GLDC: variants seen among roughly 807,000 people sequenced by gnomAD.
GLDC encodes the protein glycine dehydrogenase (decarboxylating), mitochondrial.
A neutral mutation model predicts 121.3 loss-of-function variants in GLDC; 104 were observed. That is an observed-to-expected ratio of 0.86 (90% CI 0.73 to 1.01). The LOEUF is 1.01. Ranked by LOEUF, GLDC falls within the 50% of genes least tolerant of loss-of-function variation. The pLI is 0.00. For synonymous variants in GLDC, 546 were observed against 480.6 expected (o/e 1.14, Z -1.78); for missense variants, 1,429 against 1,306.6 (o/e 1.09, Z -1.44).
intron 18 of GLDC, 147 bp from the exon 19 acceptor site, chr9:6,554,928 A>G (rs1817589250): frequency 1.4e-6 from 1 of 709,334 alleles, no homozygotes; most frequent in Admixed American, 2.0e-5. Flanking sequence ...AATGTCCTCT[A>G]TACTGGCCCA....
rs566939288 is a variant in GLDC, at chr9:6,605,177, T to A, written c.815A>T (p.Lys272Met). The change falls in exon 6 of 25, where the codon AAG becomes ATG. Residue 272 changes from lysine to methionine, a missense_variant. Lys to Met is a moderately conservative substitution (Grantham distance 95, BLOSUM62 -1). Coordinates refer to ENST00000321612, the MANE Select transcript of GLDC (RefSeq NM_000170.3). ...VLFQYPDTEG[K>M]VEDFTELVER... Reference sequence around the variant, plus strand: ...CACGAGTTCCGTAAAGTCTTCCACCTTCCCCTCCGTGTCTGGGTACTGGAA... The same window carrying A: ...CACGAGTTCCGTAAAGTCTTCCACCATCCCCTCCGTGTCTGGGTACTGGAA... 1 of 1,613,480 alleles carries A rather than the reference T, an allele frequency of 6.2e-7. No homozygotes were observed. The highest frequency in any genetic ancestry group is 1.3e-5 in the African/African-American group (1 of 75,032).
chr9:6,540,414 TG>T (rs1817230428), intron 21 of GLDC: 3 of 450,130 alleles, frequency 6.7e-6, no homozygotes, highest in South Asian at 4.3e-5. Context: ...TAATGGCAGG[TG>T]GGGGGCATTA....
intron 2 of GLDC, among the ~76,000 whole-genome samples, chr9:6,632,064 T>C (rs1294080091): frequency 6.6e-6 from 1 of 151,904 alleles, no homozygotes; most frequent in Non-Finnish European, 1.5e-5. Context: ...AGACCCTGCC[T>C]CAAAAAAAAG....
rs749739535 is a variant in GLDC, at chr9:6,587,238, G to T, written c.1753C>A (p.Leu585Met). Residue 585 changes from leucine to methionine, a missense_variant, in exon 15 of 25, where the codon CTG becomes ATG. Coordinates refer to ENST00000321612, the MANE Select transcript of GLDC (RefSeq NM_000170.3). ...EFANIHPFVP[L>M]DQAQGYQQLF... ...TGCTGATATCCTTGAGCTTGATCCA[G>T]AGGCACAAAGGGGTGGATGTTTGCA... is the stretch of plus-strand genomic sequence containing the variant. 6 of 1,614,036 alleles carry T rather than the reference G, an allele frequency of 3.7e-6. No homozygotes were observed. The East Asian group carries it at 1.3e-4, about 36-fold the overall frequency.
At position 6,550,542 on chromosome 9, in the gene GLDC, G is replaced by A. The variant is rs145062104; in HGVS notation, c.2569+261C>T. ...CTCGGGAGGCTGAGGCAAAAGAATC[G>A]CTTGAACCCGGGAGGCAGAAATTGC... On this transcript the variant is annotated intron_variant, in intron 21 of 24. Transcript: ENST00000321612. 0.15 allele frequency among the ~76,000 whole-genome samples: 23,322 copies of A among 152,062 alleles called. 2,075 individuals carry two copies. Among genetic ancestry groups the A allele is most frequent in the East Asian group, 0.28 (1,445 of 5,144 alleles).
chr9:6,644,453 C>G, intron 2 of GLDC, 161 bp downstream of exon 2: 1 of 673,506 alleles, frequency 1.5e-6, no homozygotes, highest in Non-Finnish European at 2.7e-6. Context: ...ACCAAATATC[C>G]CACCTTCCCG....
chr9:6,573,667 C>T (rs1312757866), intron 15 of GLDC, among the ~76,000 whole-genome samples: 1 of 152,104 alleles, frequency 6.6e-6, no homozygotes, highest in Admixed American at 6.5e-5. Flanking sequence ...AGACTCCCCT[C>T]ATCCAAACTC....
At chr9:6,573,632 T>C (rs1452182653) in intron 15 of GLDC, among the ~76,000 whole-genome samples, 1 of 151,744 alleles carries the variant, frequency 6.6e-6, no homozygotes, top group Non-Finnish European at 1.5e-5. Context: ...TACGTAAGGG[T>C]TTGGTGTTGG....
chr9:6,637,865 CT>C (rs541539758), intron 2 of GLDC, among the ~76,000 whole-genome samples: 23 of 145,946 alleles, frequency 1.6e-4, no homozygotes, highest in East Asian at 4.0e-4. Flanking sequence ...TTTTTTTTTA[CT>C]TTTTTTTTTT....
intron 15 of GLDC, 130 bp downstream of exon 15, chr9:6,587,011 C>T (rs1378316746): frequency 3.9e-6 from 3 of 772,946 alleles, no homozygotes; most frequent in African/African-American, 3.4e-5. Context: ...CATGCTCTCC[C>T]CAGTGGAGTG....
Position 6,532,855 on chromosome 9 carries a change from C to G in GLDC, c.*162G>C, listed in dbSNP as rs12350734. ...TCTTCCAACCATCAGCTTCGACTCC[C>G]TCCAGCTACTGTATTTACATTTACC... On this transcript the variant is annotated 3_prime_UTR_variant, in exon 25 of 25. Coordinates refer to ENST00000321612, the MANE Select transcript of GLDC (RefSeq NM_000170.3). 6 of 700,352 alleles carry G rather than the reference C, an allele frequency of 8.6e-6. No homozygotes were observed. Among genetic ancestry groups the G allele is most frequent in the Non-Finnish European group, 1.6e-5 (6 of 386,598 alleles). The allele number at this position is 700,352 out of a possible 1,614,324, so 43.4% of individuals were successfully genotyped here. A position where few individuals can be genotyped will look rare whatever the true frequency, so the allele number is the denominator to read the frequency against.
intron 23 of GLDC, 88 bp downstream of exon 23, chr9:6,535,976 T>G (rs981501044): frequency 5.8e-5 from 64 of 1,099,158 alleles, no homozygotes; most frequent in Non-Finnish European, 8.8e-5. Context: ...TCATCCTCAG[T>G]TGAGAGTTCG....
chr9:6,545,591 T>A (rs911034784), intron 21 of GLDC, among the ~76,000 whole-genome samples: 4 of 152,184 alleles, frequency 2.6e-5, no homozygotes, highest in Non-Finnish European at 4.4e-5. Flanking sequence ...GCTATATTAA[T>A]TTATTTAAAA....
intron 3 of GLDC, among the ~76,000 whole-genome samples, chr9:6,614,593 T>G (rs1818932018): frequency 6.6e-6 from 1 of 151,530 alleles, no homozygotes; most frequent in Non-Finnish European, 1.5e-5. Flanking sequence ...TTCACTATGT[T>G]GTCCAGGCTG....
At chr9:6,602,787 G>A (rs1818643700) in intron 7 of GLDC, among the ~76,000 whole-genome samples, 1 of 152,046 alleles carries the variant, frequency 6.6e-6, no homozygotes, top group Admixed American at 6.6e-5. Flanking sequence ...GTTTCACTCT[G>A]AACTTCTTAG....
In GLDC at chr9:6,591,861, G is replaced by A. The variant is rs150489509; in HGVS notation, c.1482+282C>T. 936 of 316,528 alleles carry A rather than the reference G, an allele frequency of 3.0e-3. 10 individuals carry two copies. The highest frequency in any genetic ancestry group is 0.019 in the African/African-American group (888 of 45,844). 19.6% of individuals were successfully genotyped at this position (316,528 alleles called of 1,614,324 possible). A position where few individuals can be genotyped will look rare whatever the true frequency, so the allele number is the denominator to read the frequency against. The stretch of plus-strand genomic sequence containing the variant: ...CCCCCCTGACCTCCCAAAGTGCTGG[G>A]ATTACAGGCATGAGCCACCATCCCC... On this transcript the variant is annotated intron_variant, in intron 11 of 24. Transcript: ENST00000321612.
chr9:6,554,703 C>T lies in GLDC; in HGVS notation c.2281G>A (p.Gly761Arg), dbSNP rs386833549. The T allele has an allele frequency of 5.8e-5, 94 of 1,612,486 alleles. No homozygotes were observed. Among genetic ancestry groups the T allele is most frequent in the East Asian group, 2.2e-5 (1 of 44,898 alleles). ...NLHKTFCIPHGGGGPGMGPIG... is the reference protein window; with the variant it reads ...NLHKTFCIPHRGGGPGMGPIG... Reference sequence around the variant, plus strand: ...GGCCCCATGCCAGGACCACCTCCTCCGTGGGGAATGCAGAAGGTCTTGTGA... The same window carrying T: ...GGCCCCATGCCAGGACCACCTCCTCTGTGGGGAATGCAGAAGGTCTTGTGA... The change falls in exon 19 of 25, where the codon GGA (glycine) becomes AGA (arginine). Residue 761 changes from glycine to arginine, a missense_variant. Transcript: ENST00000321612.
chr9:6,645,463 C>T lies in GLDC; in HGVS notation c.37G>A (p.Gly13Ser). Residue 13 changes from glycine to serine, a missense_variant, in exon 1 of 25, where the codon GGC becomes AGC. Transcript: ENST00000321612. ...SCARAWGLRL[G>S]RGVGGGRRLA... ...CGGCGGCCGCCCCCGACCCCGCGGCCCAGGCGCAGCCCCCACGCCCTGGCA... is the reference window on the plus strand; with the variant it reads ...CGGCGGCCGCCCCCGACCCCGCGGCTCAGGCGCAGCCCCCACGCCCTGGCA... 1 of 1,250,532 alleles carries T rather than the reference C, an allele frequency of 8.0e-7. No homozygotes were observed. Among genetic ancestry groups the T allele is most frequent in the Non-Finnish European group, 1.0e-6 (1 of 1,003,560 alleles). The allele number at this position is 1,250,532 out of a possible 1,614,324, so 77.5% of individuals were successfully genotyped here. A position where few individuals can be genotyped will look rare whatever the true frequency, so the allele number is the denominator to read the frequency against.
chr9:6,621,455 C>G (rs1340045399), intron 2 of GLDC, among the ~76,000 whole-genome samples: 1 of 152,186 alleles, frequency 6.6e-6, no homozygotes, highest in East Asian at 1.9e-4. Context: ...CTAATCCAAT[C>G]TCACACTTTA....
Sources: gnomAD v4.1 joint callset for allele counts (sites outside exome capture counted in the v4.1 genomes callset) on GRCh38, gnomAD v4.1.1 for gene constraint, MANE v1.5 for transcripts, NCBI Gene and HGNC (gene_info 2026-07-23, HGNC 2026-07-21) for gene names.